The following SIPA1L1 variants were observed in gnomAD, a reference collection of about 807,000 sequenced individuals.
SIPA1L1 encodes the protein signal induced proliferation associated 1 like 1.
A neutral mutation model predicts 162.7 loss-of-function variants in SIPA1L1; 26 were observed. The observed-to-expected ratio is 0.16, with a 90% CI of 0.12 to 0.22. The LOEUF (loss-of-function observed/expected upper bound fraction) is 0.22, where lower values mean the gene tolerates loss of function less well. Among genes scored for constraint, SIPA1L1 ranks in the 10% least tolerant of loss-of-function variants. The pLI is 1.00. For synonymous variants in SIPA1L1, 829 were observed against 837.4 expected, an observed-to-expected ratio of 0.99 and a Z score of 0.17; for missense variants, 1,874 against 2,241.0, an observed-to-expected ratio of 0.84 and a Z score of 3.31.
At position 71,639,621 on chromosome 14, in the gene SIPA1L1, A is replaced by G. The variant is rs184647946; in HGVS notation, c.1819-10714A>G. 2.2e-3 allele frequency among the ~76,000 whole-genome samples: 330 copies of G among 152,318 alleles called. 2 individuals carry two copies. Among genetic ancestry groups the G allele is most frequent in the African/African-American group, 7.4e-3 (309 of 41,574 alleles). ...CAAAGGAACTGGAATACCTAAAACA[A>G]TCTGAGAAAGAGGAATTAATGTGGG... On this transcript the variant is annotated intron_variant, in intron 7 of 23. Coordinates refer to ENST00000381232, the MANE Select transcript of SIPA1L1 (RefSeq NM_001386936.1).
At chr14:71,332,879 A>G (rs1331435743) in intron 2 of SIPA1L1, among the ~76,000 whole-genome samples, 1 of 152,232 alleles carries the variant, frequency 6.6e-6, no homozygotes, top group East Asian at 1.9e-4. Flanking sequence ...CTATAAATTT[A>G]TTACTATGAT....
intron 2 of SIPA1L1, among the ~76,000 whole-genome samples, chr14:71,353,548 C>A (rs1420701675): frequency 1.3e-5 from 2 of 152,128 alleles, no homozygotes. Context: ...CTGGTCTTAC[C>A]TAGGTTTTAA....
At chr14:71,707,351 A>G (rs1017323072) in intron 16 of SIPA1L1, among the ~76,000 whole-genome samples, 2 of 152,202 alleles carry the variant, frequency 1.3e-5, no homozygotes, top group African/African-American at 4.8e-5. Context: ...TAATTCACAT[A>G]CCATAGTATT....
At position 71,709,409 on chromosome 14, in the gene SIPA1L1, G is replaced by A. The variant is rs777902483; in HGVS notation, c.3953G>A (p.Ser1318Asn). 4.3e-6 allele frequency: 7 copies of A among 1,614,092 alleles called. No homozygotes were observed. The African/African-American group carries it at 6.7e-5, about 15-fold the overall frequency. The change falls in exon 17 of 24, where the codon AGC becomes AAC. Residue 1318 changes from serine to asparagine, a missense_variant. Transcript: ENST00000381232. ...ACCTCTTATGGCCCCAGCCACGGCA[G>A]CACAGCCTCGCTGGGGGCTGCCACA... ...DTTSYGPSHG[S>N]TASLGAATSS...
rs560230960 is a variant in SIPA1L1, at chr14:71,733,215, A to G, written c.4862-451A>G. Among the ~76,000 whole-genome samples, 9 of 152,292 alleles carry G rather than the reference A, an allele frequency of 5.9e-5. No homozygotes were observed. In the South Asian group the frequency reaches 1.7e-3, roughly 28 times the overall value. On this transcript the variant is annotated intron_variant, in intron 20 of 23. Transcript: ENST00000381232. ...TACAGAGTGAGAATATGTCTCAAAAAATAAAAAAATAAGCCCTATTGTCCC... is the reference window on the plus strand; with the variant it reads ...TACAGAGTGAGAATATGTCTCAAAAGATAAAAAAATAAGCCCTATTGTCCC...
At chr14:71,734,730 T>C (rs1318417637) in intron 21 of SIPA1L1, among the ~76,000 whole-genome samples, 1 of 152,210 alleles carries the variant, frequency 6.6e-6, no homozygotes, top group Non-Finnish European at 1.5e-5. Context: ...TGTTGGTTAA[T>C]CTCCTTCATA....
chr14:71,651,738 C>T (rs117018695), intron 8 of SIPA1L1, among the ~76,000 whole-genome samples: 210 of 152,204 alleles, frequency 1.4e-3, no homozygotes, highest in Non-Finnish European at 2.5e-3. Flanking sequence ...AATGGTCAGA[C>T]TGGGAGTTGA....
At chr14:71,547,692 C>T (rs2055369729) in intron 4 of SIPA1L1, among the ~76,000 whole-genome samples, 1 of 152,168 alleles carries the variant, frequency 6.6e-6, no homozygotes. Flanking sequence ...TTCTTTCCTT[C>T]CACGCTGCTG....
At chr14:71,360,962 C>T (rs1254806332) in intron 2 of SIPA1L1, among the ~76,000 whole-genome samples, 4 of 151,976 alleles carry the variant, frequency 2.6e-5, no homozygotes, top group African/African-American at 9.7e-5. Flanking sequence ...CCTAGATGTA[C>T]TGGTTTTGGC....
At chr14:71,410,658 C>T (rs1390382748) in intron 2 of SIPA1L1, among the ~76,000 whole-genome samples, 1 of 152,144 alleles carries the variant, frequency 6.6e-6, no homozygotes, top group Non-Finnish European at 1.5e-5. Context: ...GCATTAAAAA[C>T]GTTTCAGATT....
At chr14:71,728,915 A>G (rs2084487573) in intron 19 of SIPA1L1, among the ~76,000 whole-genome samples, 1 of 152,234 alleles carries the variant, frequency 6.6e-6, no homozygotes, top group Admixed American at 6.5e-5. Flanking sequence ...CTATTTGCAG[A>G]AAAAATCTCA....
At chr14:71,722,781 G>A (rs2083864067) in intron 17 of SIPA1L1, among the ~76,000 whole-genome samples, 1 of 152,162 alleles carries the variant, frequency 6.6e-6, no homozygotes, top group South Asian at 2.1e-4. Flanking sequence ...TGTCACCTAG[G>A]CTGGAGTGCA....
chr14:71,358,541 T>A (rs2037496559), intron 2 of SIPA1L1, among the ~76,000 whole-genome samples: 1 of 152,230 alleles, frequency 6.6e-6, no homozygotes. Context: ...AGTCTTACCC[T>A]GACCCCGTCC....
chr14:71,618,785 G>A lies in SIPA1L1; in HGVS notation c.1527G>A (p.Glu509=). The A allele has an allele frequency of 6.2e-7, 1 of 1,613,954 alleles. No homozygotes were observed. Among genetic ancestry groups the A allele is most frequent in the Non-Finnish European group, 8.5e-7 (1 of 1,179,888 alleles). Residue 509 remains glutamate, a synonymous_variant, in exon 6 of 24, where the codon GAG becomes GAA. Coordinates refer to ENST00000381232, the MANE Select transcript of SIPA1L1 (RefSeq NM_001386936.1). ...KEHWNYFGAD[E]NLGPVAVSIR... is the part of the protein sequence containing the mutation. Reference sequence around the variant, plus strand: ...ACTGGAACTATTTTGGGGCTGATGAGAATCTTGGTCCAGTGGCTGTGAGCA... The same window carrying A: ...ACTGGAACTATTTTGGGGCTGATGAAAATCTTGGTCCAGTGGCTGTGAGCA...
chr14:71,437,331 G>C (rs961606920), intron 2 of SIPA1L1, among the ~76,000 whole-genome samples: 1 of 152,030 alleles, frequency 6.6e-6, no homozygotes, highest in Non-Finnish European at 1.5e-5. Context: ...CTGGGCGATA[G>C]TGAGACCCTG....
rs139663586 is a variant in SIPA1L1 at position 71,510,941 on chromosome 14, A to C, written c.-464-1802A>C. Among the ~76,000 whole-genome samples, 319 of 152,210 alleles carry C rather than the reference A, an allele frequency of 2.1e-3. 1 individual carries two copies. The highest frequency in any genetic ancestry group is 7.7e-3 in the South Asian group (37 of 4,816). On this transcript the variant is annotated intron_variant, in intron 2 of 23. Transcript: ENST00000381232. ...CCCCTTTCCCCAGATCCCACATCAG[A>C]ACTAATGTTACCCTGTCTTTCCCTG...
At chr14:71,344,588 C>T (rs777155150) in intron 2 of SIPA1L1, among the ~76,000 whole-genome samples, 1 of 152,138 alleles carries the variant, frequency 6.6e-6, no homozygotes, top group Non-Finnish European at 1.5e-5. Context: ...GAGATGGGGT[C>T]TCAGTCTGTT....
At chr14:71,603,965 A>G (rs893408846) in intron 5 of SIPA1L1, among the ~76,000 whole-genome samples, 4 of 144,870 alleles carry the variant, frequency 2.8e-5, no homozygotes, top group Non-Finnish European at 4.5e-5. Flanking sequence ...ATATATTTAT[A>G]TATAGATATA....
chr14:71,569,395 G>C (rs1255389577), intron 4 of SIPA1L1, among the ~76,000 whole-genome samples: 2 of 152,138 alleles, frequency 1.3e-5, no homozygotes, highest in Admixed American at 1.3e-4. Flanking sequence ...AGATACTTGG[G>C]GTCCTTTCCC....
Sources: allele counts gnomAD v4.1 joint callset (sites outside exome capture counted in the v4.1 genomes callset), GRCh38; gene constraint gnomAD v4.1.1; transcripts MANE v1.5; gene names NCBI Gene and HGNC (gene_info 2026-07-23, HGNC 2026-07-21).